GTPBP10: variants seen among roughly 807,000 people sequenced by gnomAD.
GTPBP10 encodes GTP-binding protein 10.
A neutral mutation model predicts 44.8 loss-of-function variants in GTPBP10; 38 were observed. That is an observed-to-expected ratio of 0.85 (90% confidence interval 0.65 to 1.11). The LOEUF (loss-of-function observed/expected upper bound fraction) is 1.11, where lower values mean the gene tolerates loss of function less well. Ranked by LOEUF, GTPBP10 falls within the 50% of genes most tolerant of loss-of-function variation. The pLI, the probability that GTPBP10 is intolerant of heterozygous loss-of-function variation, is 0.00. For synonymous variants in GTPBP10, 152 were observed against 150.6 expected (o/e 1.01, Z -0.07); for missense variants, 462 against 453.7 (o/e 1.02, Z -0.17).
rs17869235 is a variant in GTPBP10, at chr7:90,384,218, C to G, written c.902-674C>G. On this transcript the variant is annotated intron_variant, in intron 9 of 9. Transcript: ENST00000222511. ...GCTTTTGAATCTCAGAAAGTAAGCT[C>G]CATGTTGTCTTCTCCACCAATCTGT... is the stretch of plus-strand genomic sequence containing the variant. Among the ~76,000 whole-genome samples the G allele has an allele frequency of 7.5e-3, 1,148 of 152,294 alleles. 12 individuals carry two copies. Among genetic ancestry groups the G allele is most frequent in the African/African-American group, 0.026 (1,097 of 41,562 alleles).
At chr7:90,355,733 G>A (rs1795886039) in intron 4 of GTPBP10, among the ~76,000 whole-genome samples, 1 of 152,056 alleles carries the variant, frequency 6.6e-6, no homozygotes. Flanking sequence ...ATTGAATCCT[G>A]CTATGACTGT....
Position 90,384,808 on chromosome 7 carries a change from G to A in GTPBP10, c.902-84G>A, listed in dbSNP as rs1040440902. ...TGAAAAATGCTGGTGTTGGTTCCCT[G>A]CTTCACAAATCAAACCATTAACATG... On this transcript the variant is annotated intron_variant, in intron 9 of 9. Coordinates refer to ENST00000222511, the MANE Select transcript of GTPBP10 (RefSeq NM_033107.4). 16 of 1,379,944 alleles carry A rather than the reference G, an allele frequency of 1.2e-5. No individual in the cohort carries two copies. The Admixed American group carries it at 2.9e-4, about 25-fold the overall frequency. The allele number at this position is 1,379,944 out of a possible 1,614,324, so 85.5% of individuals were successfully genotyped here.
chr7:90,351,160 G>GT (rs1390129916), intron 1 of GTPBP10, among the ~76,000 whole-genome samples: 1 of 152,212 alleles, frequency 6.6e-6, no homozygotes, highest in Non-Finnish European at 1.5e-5. Context: ...ATGTACTACA[G>GT]TTAATTTTAT....
intron 1 of GTPBP10, among the ~76,000 whole-genome samples, chr7:90,348,250 AT>A (rs925621646): frequency 6.2e-4 from 95 of 152,294 alleles, no homozygotes; most frequent in African/African-American, 2.1e-3. Flanking sequence ...CCAGAAGGGT[AT>A]TTTAGTAGCT....
chr7:90,385,112 A>G lies in GTPBP10; in HGVS notation c.1122A>G (p.Pro374=), dbSNP rs1562962137. The G allele has an allele frequency of 6.2e-7, 1 of 1,611,716 alleles. No individual in the cohort carries two copies. Among genetic ancestry groups the G allele is most frequent in the South Asian group, 1.1e-5 (1 of 90,798 alleles). ...ATACAATGTCTTCTACTGAGCCACC[A>G]TCAAAGCATGCTGTTACTACTTCCA... The part of the protein sequence containing the change: ...ISDTMSSTEP[P]SKHAVTTSKM... The change falls in exon 10 of 10, where the codon CCA becomes CCG. Residue 374 remains proline, a synonymous_variant. Coordinates refer to ENST00000222511, the MANE Select transcript of GTPBP10 (RefSeq NM_033107.4).
In GTPBP10 at chr7:90,353,016, A is replaced by G; in HGVS notation, c.227+7A>G. ...GAGTAGGAGCAAACAGCAAGTAAGTAATTACTGAATGACTTAAATTTTAGA... is the reference window on the plus strand; with the variant it reads ...GAGTAGGAGCAAACAGCAAGTAAGTGATTACTGAATGACTTAAATTTTAGA... On this transcript the variant is annotated splice_region_variant and intron_variant, in intron 2 of 9. Transcript: ENST00000222511. 2.0e-6 allele frequency: 3 copies of G among 1,521,024 alleles called. No individual in the cohort carries two copies. The highest frequency in any genetic ancestry group is 2.7e-6 in the Non-Finnish European group (3 of 1,126,004). 94.2% of individuals were successfully genotyped at this position (1,521,024 alleles called of 1,614,324 possible).
At chr7:90,372,666 A>C (rs930690110) in intron 5 of GTPBP10, among the ~76,000 whole-genome samples, 1 of 151,970 alleles carries the variant, frequency 6.6e-6, no homozygotes, top group African/African-American at 2.4e-5. Context: ...AAAGTTGCTT[A>C]AACAGGTTAG....
intron 4 of GTPBP10, among the ~76,000 whole-genome samples, chr7:90,361,495 G>T (rs1163874991): frequency 6.6e-6 from 1 of 152,172 alleles, no homozygotes; most frequent in Non-Finnish European, 1.5e-5. Context: ...ACTTGATCAT[G>T]GTGGATAAGC....
chr7:90,356,889 A>T (rs981426313), intron 4 of GTPBP10, among the ~76,000 whole-genome samples: 14 of 152,214 alleles, frequency 9.2e-5, no homozygotes, highest in Non-Finnish European at 2.9e-5. Context: ...GCTTTTCAGA[A>T]GTAGGTTTGA....
chr7:90,350,427 A>G (rs1294991417), intron 1 of GTPBP10, among the ~76,000 whole-genome samples: 2 of 151,526 alleles, frequency 1.3e-5, no homozygotes, highest in Non-Finnish European at 2.9e-5. Flanking sequence ...CAGTAATGGG[A>G]TGGCTGGGTC....
intron 4 of GTPBP10, among the ~76,000 whole-genome samples, chr7:90,370,571 A>T (rs973885960): frequency 6.6e-6 from 1 of 152,064 alleles, no homozygotes; most frequent in African/African-American, 2.4e-5. Context: ...GGAGGGATGA[A>T]AAACTATCTG....
chr7:90,370,764 G>A (rs1359502724), intron 4 of GTPBP10, among the ~76,000 whole-genome samples: 2 of 152,178 alleles, frequency 1.3e-5, no homozygotes, highest in Non-Finnish European at 1.5e-5. Flanking sequence ...CCAGCACTCT[G>A]GGAGGCCAAG....
intron 4 of GTPBP10, among the ~76,000 whole-genome samples, chr7:90,363,690 A>G (rs940117514): frequency 6.6e-6 from 1 of 152,110 alleles, no homozygotes; most frequent in African/African-American, 2.4e-5. Context: ...CTGCCTTGCT[A>G]GGTTGAGGAA....
chr7:90,358,452 A>G (rs940590385), intron 4 of GTPBP10, among the ~76,000 whole-genome samples: 1 of 152,182 alleles, frequency 6.6e-6, no homozygotes, highest in Non-Finnish European at 1.5e-5. Context: ...TAGAGAACCC[A>G]GAAATAAAAC....
chr7:90,383,185 A>C (rs1244611698), intron 9 of GTPBP10, 106 bp downstream of exon 9: 11 of 745,676 alleles, frequency 1.5e-5, no homozygotes, highest in Non-Finnish European at 2.0e-5. Flanking sequence ...TTAAAAGTCA[A>C]GTTTGAAGAA....
intron 1 of GTPBP10, among the ~76,000 whole-genome samples, chr7:90,349,209 C>T (rs972134260): frequency 2.0e-5 from 3 of 152,140 alleles, no homozygotes; most frequent in Non-Finnish European, 2.9e-5. Context: ...ATAATGGCAT[C>T]TTCAATTATG....
At chr7:90,378,333 G>A in intron 8 of GTPBP10, 122 bp downstream of exon 8, 1 of 1,253,772 alleles carries the variant, frequency 8.0e-7, no homozygotes, top group Non-Finnish European at 1.1e-6. Flanking sequence ...GTCAGTTAAA[G>A]AATTACTTAA....
In GTPBP10 at chr7:90,363,116, A is replaced by G. The variant is rs1323600617; in HGVS notation, c.464+7886A>G. Among the ~76,000 whole-genome samples the G allele has an allele frequency of 2.0e-5, 3 of 152,164 alleles. No individual in the cohort carries two copies. The South Asian group carries it at 6.2e-4, about 32-fold the overall frequency. ...TTGCCAGTCTGTGTCTTTTAGTTGG[A>G]GCATTTAGCCCATTTACATTTAAGG... On this transcript the variant is annotated intron_variant, in intron 4 of 9. Coordinates refer to ENST00000222511, the MANE Select transcript of GTPBP10 (RefSeq NM_033107.4).
At chr7:90,378,233 G>A (rs1796378157) in intron 8 of GTPBP10, 22 bp downstream of exon 8, 20 of 1,597,616 alleles carry the variant, frequency 1.3e-5, no homozygotes, top group Non-Finnish European at 1.6e-5. Context: ...GTTTTACTGT[G>A]TTCTGTATTT....
Sources: allele counts gnomAD v4.1 joint callset (sites outside exome capture counted in the v4.1 genomes callset), GRCh38; gene constraint gnomAD v4.1.1; transcripts MANE v1.5; gene names NCBI Gene and HGNC (gene_info 2026-07-23, HGNC 2026-07-21).